CCDC85C: variants seen among roughly 807,000 people sequenced by gnomAD.
The protein encoded by CCDC85C is coiled-coil domain-containing protein 85C.
Under a neutral mutation model 38.3 loss-of-function variants are expected in CCDC85C, and 18 were observed. That is an observed-to-expected ratio of 0.47 (90% confidence interval 0.33 to 0.70). The LOEUF (loss-of-function observed/expected upper bound fraction) is 0.70, where lower values mean the gene tolerates loss of function less well. Among genes scored for constraint, CCDC85C ranks in the 30% least tolerant of loss-of-function variants. CCDC85C has a pLI of 0.03. For synonymous variants in CCDC85C, 264 were observed against 293.8 expected (o/e 0.90, Z 1.04); for missense variants, 566 against 621.2 (o/e 0.91, Z 0.94).
chr14:99,593,470 A>G (rs1363415982), intron 1 of CCDC85C, among the ~76,000 whole-genome samples: 1 of 152,166 alleles, frequency 6.6e-6, no homozygotes, highest in Non-Finnish European at 1.5e-5. Context: ...AGCCACCTCC[A>G]TGGGGATGCC....
intron 5 of CCDC85C, 23 bp from the exon 6 acceptor site, chr14:99,515,358 AGTGGTGGGACTCACCCGC>A (rs1897205023): frequency 7.2e-6 from 11 of 1,538,134 alleles, no homozygotes; most frequent in Non-Finnish European, 8.8e-6. Context: ...GAGAGATGTG[AGTGGTGGGACTCACCCGC>A]GTCCACCTGC....
At chr14:99,526,200 G>A (rs1897380333) in intron 2 of CCDC85C, among the ~76,000 whole-genome samples, 1 of 152,198 alleles carries the variant, frequency 6.6e-6, no homozygotes, top group African/African-American at 2.4e-5. Flanking sequence ...TGTCACAAGA[G>A]GCCAGTTTCA....
chr14:99,525,544 G>A (rs573310194), intron 2 of CCDC85C, among the ~76,000 whole-genome samples: 3 of 152,390 alleles, frequency 2.0e-5, no homozygotes, highest in African/African-American at 7.2e-5. Context: ...TGCTCCCAGA[G>A]AGCTTTTGGG....
Position 99,500,958 on chromosome 14 carries a change from C to T in CCDC85C, c.*14288G>A, listed in dbSNP as rs1301147150. The T allele has an allele frequency of 3.5e-6, 3 of 855,080 alleles. No homozygotes were observed. Among genetic ancestry groups the T allele is most frequent in the African/African-American group, 1.7e-5 (1 of 57,634 alleles). 53.0% of individuals were successfully genotyped at this position (855,080 alleles called of 1,614,324 possible). A position where few individuals can be genotyped will look rare whatever the true frequency, so the allele number is the denominator to read the frequency against. ...ACACTCAAATTACGCTTCTCAAAAG[C>T]GGAAAACAAAGTTTGATGTGTGAAA... is the stretch of plus-strand genomic sequence containing the variant. On this transcript the variant is annotated 3_prime_UTR_variant, in exon 6 of 6. Transcript: ENST00000380243.
At chr14:99,598,008 G>T (rs2055161098) in intron 1 of CCDC85C, among the ~76,000 whole-genome samples, 1 of 152,240 alleles carries the variant, frequency 6.6e-6, no homozygotes, top group South Asian at 2.1e-4. Flanking sequence ...CCATAAAGCA[G>T]GTGGCAAAGC....
In CCDC85C at chr14:99,510,704, G is replaced by A. The variant is rs746903238; in HGVS notation, c.*4542C>T. 11 of 1,420,916 alleles carry A rather than the reference G, an allele frequency of 7.7e-6. No individual in the cohort carries two copies. The allele number at this position is 1,420,916 out of a possible 1,614,324, so 88.0% of individuals were successfully genotyped here. A position where few individuals can be genotyped will look rare whatever the true frequency, so the allele number is the denominator to read the frequency against. On this transcript the variant is annotated 3_prime_UTR_variant, in exon 6 of 6. Coordinates refer to ENST00000380243, the MANE Select transcript of CCDC85C (RefSeq NM_001144995.2). Reference sequence around the variant, plus strand: ...CTCCTGCCGTCCCCCCTGGAGGACAGCCTCCTGTGCCCCCGCCCATTCCCC... The same window carrying A: ...CTCCTGCCGTCCCCCCTGGAGGACAACCTCCTGTGCCCCCGCCCATTCCCC...
At chr14:99,525,676 G>T (rs533998362) in intron 2 of CCDC85C, among the ~76,000 whole-genome samples, 2 of 152,348 alleles carry the variant, frequency 1.3e-5, no homozygotes, top group East Asian at 3.9e-4. Flanking sequence ...AGGGCTGGGG[G>T]TGCGGGTGGA....
rs1431454221 is a variant in CCDC85C at position 99,603,450 on chromosome 14, G to C, written c.510C>G (p.Gly170=). Residue 170 remains glycine (G), a synonymous_variant, in exon 1 of 6, where the codon GGC becomes GGG. Transcript: ENST00000380243. This position sits in a 1 kb window ranked among gnomAD's most constrained non-coding sequence, Gnocchi z 7.5. The part of the protein sequence containing the change: ...ATGAASGGGG[G]GGGAGSRSSI... ...AGCTGCGGGAGCCGGCGCCGCCCCC[G>C]CCGCCGCCGCCACCGCTTGCGGCCC... is the stretch of plus-strand genomic sequence containing the variant. 1.0e-5 allele frequency: 13 copies of C among 1,259,464 alleles called. No homozygotes were observed. Among genetic ancestry groups the C allele is most frequent in the South Asian group, 5.6e-5 (2 of 35,636 alleles). 78.0% of individuals were successfully genotyped at this position (1,259,464 alleles called of 1,614,324 possible).
chr14:99,591,302 G>C (rs10144195), intron 1 of CCDC85C, among the ~76,000 whole-genome samples: 57,047 of 152,184 alleles, frequency 0.37, 10,749 homozygotes, highest in South Asian at 0.5. Context: ...TCTGGGCTTA[G>C]GTTTCCTGCC....
At chr14:99,599,886 A>T (rs2055181722) in intron 1 of CCDC85C, among the ~76,000 whole-genome samples, 2 of 152,184 alleles carry the variant, frequency 1.3e-5, no homozygotes, top group African/African-American at 4.8e-5. Flanking sequence ...AATAAATAAT[A>T]AATAAATAAA....
At chr14:99,580,058 T>C (rs1344035397) in intron 1 of CCDC85C, 1 of 455,308 alleles carries the variant, frequency 2.2e-6, no homozygotes, top group African/African-American at 2.0e-5. Flanking sequence ...GGCCCCTTCC[T>C]CTTGGTCTCA....
chr14:99,531,108 T>C (rs1345504229), intron 2 of CCDC85C, among the ~76,000 whole-genome samples: 1 of 151,992 alleles, frequency 6.6e-6, no homozygotes, highest in Non-Finnish European at 1.5e-5. Flanking sequence ...AGCAGCCCTT[T>C]GGTACGTGGC....
chr14:99,517,186 G>A lies in CCDC85C; in HGVS notation c.976-3C>T. The A allele has an allele frequency of 6.5e-7, 1 of 1,538,392 alleles. No homozygotes were observed. Among genetic ancestry groups the A allele is most frequent in the Non-Finnish European group, 8.8e-7 (1 of 1,140,480 alleles). ...TCAGGTGCGGGGCAGGCCGGGCCCT[G>A]GGGAAGGCAATCACACATCTCAGCT... On this transcript the variant is annotated splice_polypyrimidine_tract_variant and splice_region_variant and intron_variant, in intron 3 of 5. Transcript: ENST00000380243.
chr14:99,566,843 G>C (rs2139956521), intron 1 of CCDC85C, among the ~76,000 whole-genome samples: 1 of 152,328 alleles, frequency 6.6e-6, no homozygotes, highest in East Asian at 1.9e-4. Flanking sequence ...CAGGGCCTTG[G>C]ACATTTCACT....
Position 99,506,806 on chromosome 14 carries a change from G to T in CCDC85C, c.*8440C>A. ...GTCTCACATGGTCGGAAGGACTTGA[G>T]TGAAGTGGTCAGCAAGGAAACTTAG... On this transcript the variant is annotated 3_prime_UTR_variant, in exon 6 of 6. Coordinates refer to ENST00000380243, the MANE Select transcript of CCDC85C (RefSeq NM_001144995.2). 1 of 434,486 alleles carries T rather than the reference G, an allele frequency of 2.3e-6. No individual in the cohort carries two copies. The highest frequency in any genetic ancestry group is 4.3e-6 in the Non-Finnish European group (1 of 232,370). The allele number at this position is 434,486 out of a possible 1,614,324, so 26.9% of individuals were successfully genotyped here.
At position 99,512,594 on chromosome 14, in the gene CCDC85C, T is replaced by C. The variant is rs1377106272; in HGVS notation, c.*2652A>G. The C allele has an allele frequency of 6.6e-6, 1 of 152,204 alleles. No individual in the cohort carries two copies. The highest frequency in any genetic ancestry group is 2.4e-5 in the African/African-American group (1 of 41,448). The allele number at this position is 152,204 out of a possible 1,614,324, so 9.4% of individuals were successfully genotyped here. On this transcript the variant is annotated 3_prime_UTR_variant, in exon 6 of 6. Transcript: ENST00000380243. ...GCATGTTCTGAGGCCAGGATGGGCT[T>C]GGCCACCTGGGCTGGGGCGAAAGGA...
chr14:99,534,100 A>G (rs962284089), intron 2 of CCDC85C, among the ~76,000 whole-genome samples: 12 of 152,208 alleles, frequency 7.9e-5, no homozygotes, highest in Non-Finnish European at 1.0e-4. Context: ...TCACACCTGT[A>G]ATCCCAGCAC....
rs1806462405 is a variant in CCDC85C, at chr14:99,512,085, C to T, written c.*3161G>A. The T allele has an allele frequency of 6.6e-6, 1 of 152,252 alleles. No individual in the cohort carries two copies. The highest frequency in any genetic ancestry group is 2.4e-5 in the African/African-American group (1 of 41,466). The allele number at this position is 152,252 out of a possible 1,614,324, so 9.4% of individuals were successfully genotyped here. On this transcript the variant is annotated 3_prime_UTR_variant, in exon 6 of 6. Coordinates refer to ENST00000380243, the MANE Select transcript of CCDC85C (RefSeq NM_001144995.2). ...ATCTAGCTCAAAGTAGACACTATCA[C>T]AATCTTGTTTGTTACTCCTTTTACT...
chr14:99,593,181 C>T (rs1356604487), intron 1 of CCDC85C, among the ~76,000 whole-genome samples: 3 of 152,208 alleles, frequency 2.0e-5, no homozygotes, highest in Admixed American at 6.5e-5. Flanking sequence ...GCCCTTGTGG[C>T]GGGCGGGGGA....
Sources: allele counts gnomAD v4.1 joint callset (sites outside exome capture counted in the v4.1 genomes callset), GRCh38; gene constraint gnomAD v4.1.1; non-coding constraint Gnocchi (gnomAD v3.1); transcripts MANE v1.5; gene names NCBI Gene and HGNC (gene_info 2026-07-23, HGNC 2026-07-21).